The following PANK4 variants were observed in gnomAD, a reference collection of about 807,000 sequenced individuals.
PANK4 encodes the protein 4'-phosphopantetheine phosphatase.
A neutral mutation model predicts 87.9 loss-of-function variants in PANK4; 40 were observed. The observed-to-expected ratio is 0.46, with a 90% CI of 0.35 to 0.59. PANK4 has a LOEUF of 0.59. PANK4 is among the 20% of genes least tolerant of loss of function. The pLI, the probability that PANK4 is intolerant of heterozygous loss-of-function variation, is 0.00. For synonymous variants in PANK4, 524 were observed against 467.4 expected (o/e 1.12, Z -1.56); for missense variants, 926 against 1,072.3 (o/e 0.86, Z 1.90).
At position 2,521,260 on chromosome 1, in the gene PANK4, G is replaced by A. The variant is rs189387379; in HGVS notation, c.263C>T (p.Thr88Ile). The change falls in exon 3 of 19, where the codon ACT (threonine) becomes ATT (isoleucine). Residue 88 changes from threonine to isoleucine, a missense_variant. Physicochemically the swap from Thr to Ile is moderately conservative, Grantham distance 89. Transcript: ENST00000378466. ...AAACTTAATGAAGTGCAGTCGAGCA[G>A]TGATCTCTTCTTGAACTGAAATCTC... ...PYEISVQEEI[T>I]ARLHFIKFEN... The A allele has an allele frequency of 3.0e-5, 49 of 1,613,982 alleles. No homozygotes were observed. The highest frequency in any genetic ancestry group is 3.9e-5 in the Non-Finnish European group (46 of 1,180,004).
Position 2,515,728 on chromosome 1 carries a change from G to T in PANK4, c.1219-11C>A. On this transcript the variant is annotated splice_polypyrimidine_tract_variant and intron_variant, in intron 9 of 18. Transcript: ENST00000378466. This position sits in a 1 kb window ranked among gnomAD's most constrained non-coding sequence, Gnocchi z 5.0. ...TTCCAGCAAGTCAAACTGGAAGACA[G>T]GCAGTGGCAGGGTGGAAACGTCACC... 1 of 1,612,060 alleles carries T rather than the reference G, an allele frequency of 6.2e-7. No homozygotes were observed. The highest frequency in any genetic ancestry group is 1.3e-5 in the African/African-American group (1 of 75,014).
chr1:2,513,357 C>T (rs576791435), intron 12 of PANK4, among the ~76,000 whole-genome samples: 20 of 152,380 alleles, frequency 1.3e-4, no homozygotes, highest in African/African-American at 3.6e-4. Context: ...CCCAGACTTC[C>T]GCTGTCACAA....
intron 7 of PANK4, 78 bp from the exon 8 acceptor site, chr1:2,518,675 C>T (rs958202238): frequency 3.0e-5 from 37 of 1,233,774 alleles, no homozygotes; most frequent in East Asian, 7.6e-5. Context: ...TCAACGTGCG[C>T]GGGCCTCGCA....
Position 2,515,526 on chromosome 1 carries a change from C to G in PANK4, c.1374+36G>C. On this transcript the variant is annotated intron_variant, in intron 10 of 18. Coordinates refer to ENST00000378466, the MANE Select transcript of PANK4 (RefSeq NM_018216.4). The surrounding 1 kb of genome is among the most constrained non-coding windows in gnomAD (Gnocchi z 5.0). ...CCTTGGAAGGTTAACCCGGCTGCGG[C>G]CTTGGAATCGTCTAGACGGCACCCG... The G allele has an allele frequency of 2.5e-6, 4 of 1,606,880 alleles. No homozygotes were observed. The highest frequency in any genetic ancestry group is 3.4e-6 in the Non-Finnish European group (4 of 1,175,236).
In PANK4 at chr1:2,508,612, T is replaced by TTA. The variant is rs3831090; in HGVS notation, c.*233_*234dup. The TTA allele has an allele frequency of 0.19, 43,111 of 228,976 alleles. 4,051 individuals are homozygous for TTA. The highest frequency in any genetic ancestry group is 0.33 in the East Asian group (3,400 of 10,260). The allele number at this position is 228,976 out of a possible 1,614,324, so 14.2% of individuals were successfully genotyped here. ...GACATACCTGTATAGATCTCTCTAT[T>TTA]TATATATATATATATATAAAAGGTT... On this transcript the variant is annotated 3_prime_UTR_variant, in exon 19 of 19. Transcript: ENST00000378466. This position sits in a 1 kb window ranked among gnomAD's most constrained non-coding sequence, Gnocchi z 5.1.
rs1008477439 is a variant in PANK4, at chr1:2,520,373, G to T, written c.648C>A (p.Ser216=). The change falls in exon 5 of 19, where the codon TCC becomes TCA. Residue 216 remains serine (S), a synonymous_variant. Coordinates refer to ENST00000378466, the MANE Select transcript of PANK4 (RefSeq NM_018216.4). This position sits in a 1 kb window ranked among gnomAD's most constrained non-coding sequence, Gnocchi z 6.2. ...GCCCCCAGAAGGTGCCGCCTCCAATGGAGCTGCCGCCGACCCACTCGAACC... is the reference window on the plus strand; with the variant it reads ...GCCCCCAGAAGGTGCCGCCTCCAATTGAGCTGCCGCCGACCCACTCGAACC... The part of the protein sequence containing the change: ...EDRFEWVGGS[S]IGGGTFWGLG... 4.3e-6 allele frequency: 7 copies of T among 1,612,974 alleles called. No homozygotes were observed. Among genetic ancestry groups the T allele is most frequent in the African/African-American group, 1.3e-5 (1 of 75,062 alleles).
At chr1:2,522,243 G>C (rs538040817) in intron 1 of PANK4, among the ~76,000 whole-genome samples, 6 of 152,204 alleles carry the variant, frequency 3.9e-5, no homozygotes, top group Non-Finnish European at 8.8e-5. Context: ...TTACAAAGGA[G>C]GCTCTCCTCA....
chr1:2,519,198 C>T lies in PANK4; in HGVS notation c.980G>A (p.Arg327Gln). 7 of 1,612,664 alleles carry T rather than the reference C, an allele frequency of 4.3e-6. No individual in the cohort carries two copies. The highest frequency in any genetic ancestry group is 5.1e-6 in the Non-Finnish European group (6 of 1,179,888). Reference sequence around the variant, plus strand: ...GGTGCGCATGGTCACGGGGTGGCCCCGGATAAAGAAGCCTCCAAAGTACAC... The same window carrying T: ...GGTGCGCATGGTCACGGGGTGGCCCTGGATAAAGAAGCCTCCAAAGTACAC... ...DRVYFGGFFI[R>Q]GHPVTMRTIT... The change falls in exon 7 of 19, where the codon CGG becomes CAG. Residue 327 changes from arginine (R) to glutamine (Q), a missense_variant. Arg to Gln is a conservative substitution (Grantham distance 43, BLOSUM62 1). Coordinates refer to ENST00000378466, the MANE Select transcript of PANK4 (RefSeq NM_018216.4). This position sits in a 1 kb window ranked among gnomAD's most constrained non-coding sequence, Gnocchi z 8.3.
At chr1:2,514,941 G>C (rs1025752385) in intron 10 of PANK4, among the ~76,000 whole-genome samples, 1 of 152,028 alleles carries the variant, frequency 6.6e-6, no homozygotes, top group Non-Finnish European at 1.5e-5. Flanking sequence ...GGGACGAGGG[G>C]CTCTGGGCAC....
intron 10 of PANK4, 130 bp from the exon 11 acceptor site, chr1:2,514,596 G>A (rs1175051724): frequency 1.9e-5 from 10 of 516,996 alleles, no homozygotes; most frequent in Admixed American, 6.2e-5. Flanking sequence ...GGGTGGGGGC[G>A]GCTGTAGGAG....
At position 2,520,142 on chromosome 1, in the gene PANK4, T is replaced by C. The variant is rs1056280836; in HGVS notation, c.699+180A>G. Reference sequence around the variant, plus strand: ...ACCCAGCCAGGATAGAAGCTCTGGGTTGCTGGGACACCCAACCCTCAGGGC... The same window carrying C: ...ACCCAGCCAGGATAGAAGCTCTGGGCTGCTGGGACACCCAACCCTCAGGGC... On this transcript the variant is annotated intron_variant, in intron 5 of 18. Coordinates refer to ENST00000378466, the MANE Select transcript of PANK4 (RefSeq NM_018216.4). The surrounding 1 kb of genome is among the most constrained non-coding windows in gnomAD (Gnocchi z 6.2). Among the ~76,000 whole-genome samples the C allele has an allele frequency of 2.6e-5, 4 of 152,020 alleles. No individual in the cohort carries two copies. Among genetic ancestry groups the C allele is most frequent in the Non-Finnish European group, 5.9e-5 (4 of 67,986 alleles).
chr1:2,524,886 T>G (rs917702758), intron 1 of PANK4, among the ~76,000 whole-genome samples: 1 of 152,118 alleles, frequency 6.6e-6, no homozygotes, highest in Non-Finnish European at 1.5e-5. Flanking sequence ...GAGCCTCTGG[T>G]GAGGCCTGCG....
rs1443386244 is a variant in PANK4 at position 2,514,483 on chromosome 1, G to A, written c.1375-17C>T. On this transcript the variant is annotated splice_polypyrimidine_tract_variant and intron_variant, in intron 10 of 18. Coordinates refer to ENST00000378466, the MANE Select transcript of PANK4 (RefSeq NM_018216.4). ...CTTCACTACCTGCCAGCGACAGAAG[G>A]AGGGGGTTAGTCAAGCGCTGGCCCT... 6 of 1,591,064 alleles carry A rather than the reference G, an allele frequency of 3.8e-6. No individual in the cohort carries two copies. The highest frequency in any genetic ancestry group is 2.2e-5 in the East Asian group (1 of 44,758).
rs150213787 is a variant in PANK4 at position 2,523,240 on chromosome 1, C to G, written c.125-1440G>C. Among the ~76,000 whole-genome samples, 156 of 152,306 alleles carry G rather than the reference C, an allele frequency of 1.0e-3. 1 individual carries two copies. The highest frequency in any genetic ancestry group is 1.7e-3 in the Admixed American group (26 of 15,304). The stretch of plus-strand genomic sequence containing the variant: ...AACAGCCATCCCAGGGCACCTCCTG[C>G]CTGGTGGTGAGGGCAGGCTCCCCGA... On this transcript the variant is annotated intron_variant, in intron 1 of 18. Transcript: ENST00000378466.
rs35653250 is a variant in PANK4, at chr1:2,519,850, G to A, written c.804C>T (p.Ser268=). The change falls in exon 6 of 19, where the codon AGC becomes AGT. Residue 268 remains serine, a synonymous_variant. Transcript: ENST00000378466. The surrounding 1 kb of genome is among the most constrained non-coding windows in gnomAD (Gnocchi z 8.3). ...CGAAGCTGCTGGCGATGAGGTTCCC[G>A]CTCAGCCCGAGAGTCTGGTGGGCGC... ...YGGAHQTLGL[S]GNLIASSFGK... 9.5e-4 allele frequency: 1,493 copies of A among 1,575,194 alleles called. 18 individuals are homozygous for A. In the African/African-American group the frequency reaches 0.018, roughly 19 times the overall value.
rs1392585636 is a variant in PANK4, at chr1:2,508,801, C to T, written c.*46G>A. The T allele has an allele frequency of 5.0e-6, 6 of 1,192,008 alleles. No homozygotes were observed. Among genetic ancestry groups the T allele is most frequent in the Admixed American group, 1.9e-5 (1 of 51,306 alleles). 73.8% of individuals were successfully genotyped at this position (1,192,008 alleles called of 1,614,324 possible). ...CAGTTTCCCTGTGGTGGTAAAAACACATTCCTGACAAGTGACAAGCAGAAG... is the reference window on the plus strand; with the variant it reads ...CAGTTTCCCTGTGGTGGTAAAAACATATTCCTGACAAGTGACAAGCAGAAG... On this transcript the variant is annotated 3_prime_UTR_variant, in exon 19 of 19. Coordinates refer to ENST00000378466, the MANE Select transcript of PANK4 (RefSeq NM_018216.4). This position sits in a 1 kb window ranked among gnomAD's most constrained non-coding sequence, Gnocchi z 5.1.
chr1:2,522,285 T>TC (rs1378605162), intron 1 of PANK4, among the ~76,000 whole-genome samples: 2 of 152,144 alleles, frequency 1.3e-5, no homozygotes, highest in Non-Finnish European at 2.9e-5. Context: ...CCTGAGCAGC[T>TC]CCCCTACCCT....
In PANK4 at chr1:2,512,674, C is replaced by T. The variant is rs1643681737; in HGVS notation, c.1727+214G>A. 7.0e-6 allele frequency: 4 copies of T among 572,234 alleles called. No homozygotes were observed. The South Asian group carries it at 8.7e-5, about 12-fold the overall frequency. The allele number at this position is 572,234 out of a possible 1,614,324, so 35.4% of individuals were successfully genotyped here. On this transcript the variant is annotated intron_variant, in intron 13 of 18. Coordinates refer to ENST00000378466, the MANE Select transcript of PANK4 (RefSeq NM_018216.4). ...CACCCATGCTTAAGGAAGGGGCCTC[C>T]TCAGAACCTGAGGGGACAGACAAGG... is the stretch of plus-strand genomic sequence containing the variant.
At chr1:2,523,708 G>A (rs892197981) in intron 1 of PANK4, among the ~76,000 whole-genome samples, 8 of 152,212 alleles carry the variant, frequency 5.3e-5, no homozygotes, top group African/African-American at 1.4e-4. Context: ...GGGACAAAAC[G>A]GGACCTGAGG....
Sources: allele counts gnomAD v4.1 joint callset (sites outside exome capture counted in the v4.1 genomes callset), GRCh38; gene constraint gnomAD v4.1.1; non-coding constraint Gnocchi (gnomAD v3.1); transcripts MANE v1.5; gene names NCBI Gene and HGNC (gene_info 2026-07-23, HGNC 2026-07-21).